CTNNA3: variants seen among roughly 807,000 people sequenced by gnomAD.
CTNNA3 encodes the protein catenin alpha-3.
A neutral mutation model predicts 95.7 loss-of-function variants in CTNNA3; 76 were observed. That is an observed-to-expected ratio of 0.79 (90% confidence interval 0.66 to 0.96). CTNNA3 has a LOEUF of 0.96. CTNNA3 is among the 40% of genes least tolerant of loss of function. The pLI is 0.00. For missense variants in CTNNA3, 1,191 were observed against 1,089.8 expected (o/e 1.09, Z -1.31); for synonymous variants, 431 against 374.4 (o/e 1.15, Z -1.74).
intron 7 of CTNNA3, among the ~76,000 whole-genome samples, chr10:67,133,897 C>A (rs761155552): frequency 6.6e-6 from 1 of 151,998 alleles, no homozygotes; most frequent in Non-Finnish European, 1.5e-5. Flanking sequence ...TTGCCCAGAC[C>A]GGTCTCAAAC....
intron 11 of CTNNA3, among the ~76,000 whole-genome samples, chr10:66,456,991 G>A (rs2093499040): frequency 6.6e-6 from 1 of 152,028 alleles, no homozygotes; most frequent in African/African-American, 2.4e-5. Context: ...CTACTTGGGA[G>A]GCTGAGGTGG....
intron 5 of CTNNA3, among the ~76,000 whole-genome samples, chr10:67,410,033 T>C (rs1845305607): frequency 6.6e-6 from 1 of 152,126 alleles, no homozygotes; most frequent in South Asian, 2.1e-4. Flanking sequence ...ATACAAATCA[T>C]TCTGTAATAA....
chr10:66,891,169 A>C (rs1350633431), intron 7 of CTNNA3, among the ~76,000 whole-genome samples: 1 of 152,180 alleles, frequency 6.6e-6, no homozygotes, highest in Non-Finnish European at 1.5e-5. Context: ...CTTTTATTTC[A>C]ATTGTGCATC....
intron 9 of CTNNA3, among the ~76,000 whole-genome samples, chr10:66,695,343 T>G (rs1397162535): frequency 2.0e-5 from 3 of 152,188 alleles, no homozygotes; most frequent in Non-Finnish European, 1.5e-5. Context: ...TAGGAAGTAT[T>G]TGTTTCTTTG....
At chr10:66,977,472 C>G (rs1302990898) in intron 7 of CTNNA3, among the ~76,000 whole-genome samples, 2 of 151,874 alleles carry the variant, frequency 1.3e-5, no homozygotes, top group African/African-American at 4.8e-5. Context: ...TATGATATGA[C>G]CCTCAGCCTA....
intron 2 of CTNNA3, among the ~76,000 whole-genome samples, chr10:67,639,815 G>A (rs978423418): frequency 2.6e-5 from 4 of 152,076 alleles, no homozygotes; most frequent in African/African-American, 7.2e-5. Context: ...AGCCCTTCAT[G>A]CTAAAAACTC....
intron 14 of CTNNA3, among the ~76,000 whole-genome samples, chr10:66,091,264 T>A (rs1199451761): frequency 6.6e-6 from 1 of 151,908 alleles, no homozygotes; most frequent in African/African-American, 2.4e-5. Context: ...GCCTCAACAT[T>A]TTTCCAAATG....
chr10:67,133,194 G>A (rs10762141), intron 7 of CTNNA3, among the ~76,000 whole-genome samples: 92,762 of 148,880 alleles, frequency 0.62, 29,635 homozygotes, highest in African/African-American at 0.77. Context: ...GTAAATAGGT[G>A]AAACATTGTA....
chr10:67,406,111 C>T (rs1484935663), intron 5 of CTNNA3, among the ~76,000 whole-genome samples: 1 of 152,150 alleles, frequency 6.6e-6, no homozygotes, highest in African/African-American at 2.4e-5. Context: ...CCTGCTGGTA[C>T]TTCTCTCTCC....
At chr10:66,932,795 G>A (rs1847481288) in intron 7 of CTNNA3, among the ~76,000 whole-genome samples, 2 of 152,118 alleles carry the variant, frequency 1.3e-5, no homozygotes, top group African/African-American at 4.8e-5. Context: ...CCAAAAGTTG[G>A]TGATGATTTT....
At chr10:66,327,782 C>T (rs1254047198) in intron 12 of CTNNA3, among the ~76,000 whole-genome samples, 1 of 151,970 alleles carries the variant, frequency 6.6e-6, no homozygotes, top group Non-Finnish European at 1.5e-5. Flanking sequence ...TTTCTTAAAA[C>T]TGTATCATGA....
intron 11 of CTNNA3, among the ~76,000 whole-genome samples, chr10:66,456,662 C>A (rs111435100): frequency 1.0e-5 from 1 of 96,758 alleles, no homozygotes; most frequent in Non-Finnish European, 2.5e-5. Context: ...GGCAACAGAG[C>A]AAGACTCCAT....
intron 5 of CTNNA3, 118 bp from the exon 6 acceptor site, chr10:67,219,988 G>A (rs1241310033): frequency 1.2e-5 from 9 of 781,534 alleles, no homozygotes; most frequent in Non-Finnish European, 1.8e-5. Flanking sequence ...GAAGAAGTCA[G>A]CTATAAGTTA....
At chr10:66,644,457 GTA>G (rs369985156) in intron 9 of CTNNA3, among the ~76,000 whole-genome samples, 1,556 of 124,526 alleles carry the variant, frequency 0.012, 20 homozygotes, top group African/African-American at 0.045. Flanking sequence ...CCCCAAATAT[GTA>G]TATATATATA....
chr10:67,055,597 T>C (rs1438538978), intron 7 of CTNNA3, among the ~76,000 whole-genome samples: 1 of 152,114 alleles, frequency 6.6e-6, no homozygotes, highest in Non-Finnish European at 1.5e-5. Flanking sequence ...TGACCCAAAA[T>C]ATAATCAACA....
intron 5 of CTNNA3, among the ~76,000 whole-genome samples, chr10:67,285,325 C>A (rs533560241): frequency 6.6e-6 from 1 of 152,292 alleles, no homozygotes; most frequent in South Asian, 2.1e-4. Context: ...CATCCGTAAA[C>A]TTCACATATT....
intron 9 of CTNNA3, among the ~76,000 whole-genome samples, chr10:66,644,352 AT>A (rs1845626831): frequency 6.8e-6 from 1 of 147,470 alleles, no homozygotes; most frequent in Non-Finnish European, 1.5e-5. Context: ...TATTATATAT[AT>A]TTTACATATA....
At chr10:67,654,728 C>A in intron 1 of CTNNA3, among the ~76,000 whole-genome samples, 1 of 152,144 alleles carries the variant, frequency 6.6e-6, no homozygotes, top group East Asian at 1.9e-4. Flanking sequence ...TTTTTTAAAT[C>A]TGGACCAGTA....
At chr10:66,668,169 A>G (rs1319168625) in intron 9 of CTNNA3, among the ~76,000 whole-genome samples, 2 of 152,278 alleles carry the variant, frequency 1.3e-5, no homozygotes, top group East Asian at 3.9e-4. Flanking sequence ...CCAACACTCA[A>G]TTTACTAATT....
Sources: gnomAD v4.1 joint callset for allele counts (sites outside exome capture counted in the v4.1 genomes callset) on GRCh38, gnomAD v4.1.1 for gene constraint, MANE v1.5 for transcripts, NCBI Gene and HGNC (gene_info 2026-07-23, HGNC 2026-07-21) for gene names.